TANC2: variants seen among roughly 807,000 people sequenced by gnomAD.
The protein encoded by TANC2 is tetratricopeptide repeat, ankyrin repeat and coiled-coil containing 2, also known as protein TANC2.
In TANC2, 26 loss-of-function variants were observed where a neutral mutation model predicts 210.5. That is an observed-to-expected ratio of 0.12 (90% CI 0.09 to 0.17). TANC2 has a LOEUF of 0.17. Among genes scored for constraint, TANC2 ranks in the 10% least tolerant of loss-of-function variants. TANC2 has a pLI of 1.00. For missense variants in TANC2, 2,129 were observed against 2,608.9 expected (o/e 0.82, Z 4.01); for synonymous variants, 931 against 967.1 (o/e 0.96, Z 0.69).
At chr17:62,988,372 A>G (rs965298620) in intron 1 of TANC2, among the ~76,000 whole-genome samples, 1 of 146,638 alleles carries the variant, frequency 6.8e-6, no homozygotes, top group Non-Finnish European at 1.5e-5. Context: ...GCCTCACCTT[A>G]AGTGATTTGC....
intron 5 of TANC2, among the ~76,000 whole-genome samples, chr17:63,171,758 A>T (rs941904315): frequency 1.3e-5 from 2 of 152,248 alleles, no homozygotes; most frequent in Non-Finnish European, 2.9e-5. Context: ...ATAACACAAG[A>T]TGCCTACTAT....
intron 3 of TANC2, among the ~76,000 whole-genome samples, chr17:63,091,738 A>G (rs1298213846): frequency 1.3e-5 from 2 of 152,158 alleles, no homozygotes; most frequent in African/African-American, 4.8e-5. Context: ...GTTTTTTCCA[A>G]TTCTGTGAAG....
chr17:63,324,156 A>C (rs1598854258), intron 11 of TANC2, among the ~76,000 whole-genome samples: 1 of 152,250 alleles, frequency 6.6e-6, no homozygotes. Flanking sequence ...CCAACACATT[A>C]AGCAAGTTGT....
intron 1 of TANC2, among the ~76,000 whole-genome samples, chr17:62,996,456 C>T (rs566660524): frequency 9.2e-5 from 14 of 152,232 alleles, no homozygotes; most frequent in African/African-American, 3.4e-4. Flanking sequence ...GTTTCTGTAC[C>T]TCACAGTCGA....
At chr17:63,005,052 T>C (rs980291130) in intron 1 of TANC2, 2 of 152,808 alleles carry the variant, frequency 1.3e-5, no homozygotes, top group African/African-American at 2.4e-5. Flanking sequence ...GTTGCCTTCT[T>C]CTTCACACTG....
At chr17:63,254,633 T>G (rs2043138943) in intron 8 of TANC2, among the ~76,000 whole-genome samples, 1 of 152,236 alleles carries the variant, frequency 6.6e-6, no homozygotes, top group South Asian at 2.1e-4. Flanking sequence ...TCTTTTATTG[T>G]GTTTAGGTAT....
At position 63,421,658 on chromosome 17, in the gene TANC2, T is replaced by C. The variant is rs2147432202; in HGVS notation, c.5928T>C (p.Ser1976=). ...ACCTGCCTCAGCCTGAGTCCTTCAG[T>C]CCACCATCATCCATCAGCAACATTG... The change falls in exon 28 of 28, where the codon AGT becomes AGC. Residue 1976 remains serine (S), a synonymous_variant. Transcript: ENST00000689528. This position sits in a 1 kb window ranked among gnomAD's most constrained non-coding sequence, Gnocchi z 6.9. 6.2e-7 allele frequency: 1 copy of C among 1,614,012 alleles called. No individual in the cohort carries two copies. Among genetic ancestry groups the C allele is most frequent in the Non-Finnish European group, 8.5e-7 (1 of 1,179,894 alleles).
At chr17:63,292,870 A>G (rs1204736224) in intron 9 of TANC2, among the ~76,000 whole-genome samples, 3 of 152,210 alleles carry the variant, frequency 2.0e-5, no homozygotes, top group African/African-American at 7.2e-5. Flanking sequence ...TGAAATATCA[A>G]TAACATAAGC....
chr17:63,106,009 A>G (rs1484463834), intron 4 of TANC2, among the ~76,000 whole-genome samples: 4 of 151,658 alleles, frequency 2.6e-5, no homozygotes, highest in Admixed American at 2.0e-4. Flanking sequence ...TTTTGGAATA[A>G]TAGACTAATT....
chr17:63,381,897 G>A (rs1423254716), intron 15 of TANC2, among the ~76,000 whole-genome samples: 1 of 152,198 alleles, frequency 6.6e-6, no homozygotes, highest in African/African-American at 2.4e-5. Context: ...CCTTACCTGA[G>A]CAATAGTTAC....
chr17:63,024,436 C>A (rs376568297), intron 2 of TANC2, among the ~76,000 whole-genome samples: 2 of 152,176 alleles, frequency 1.3e-5, no homozygotes, highest in Non-Finnish European at 2.9e-5. Flanking sequence ...TGAGGATGCC[C>A]AGAGGTCACT....
At chr17:63,131,344 G>A (rs1399569219) in intron 4 of TANC2, among the ~76,000 whole-genome samples, 1 of 152,114 alleles carries the variant, frequency 6.6e-6, no homozygotes, top group Non-Finnish European at 1.5e-5. Flanking sequence ...AAATTCTGAG[G>A]CTCTGCTGCT....
chr17:63,009,907 C>T (rs1200517928), intron 2 of TANC2, among the ~76,000 whole-genome samples: 1 of 152,054 alleles, frequency 6.6e-6, no homozygotes, highest in Admixed American at 6.6e-5. Flanking sequence ...ACCTTCTAGA[C>T]CTAAGTTTAT....
At chr17:63,399,489 C>A (rs181685617) in intron 19 of TANC2, among the ~76,000 whole-genome samples, 2 of 152,176 alleles carry the variant, frequency 1.3e-5, no homozygotes, top group African/African-American at 4.8e-5. Context: ...CTGTATCGTT[C>A]GGTACAATGC....
At chr17:63,255,169 A>G (rs2043158034) in intron 8 of TANC2, among the ~76,000 whole-genome samples, 1 of 151,814 alleles carries the variant, frequency 6.6e-6, no homozygotes, top group African/African-American at 2.4e-5. Flanking sequence ...CAGTGGCACT[A>G]TCTCGGCTCA....
At chr17:63,091,471 C>T (rs1296070276) in intron 3 of TANC2, among the ~76,000 whole-genome samples, 1 of 152,160 alleles carries the variant, frequency 6.6e-6, no homozygotes. Context: ...ATAGGGAATC[C>T]TTCCCCCATT....
intron 21 of TANC2, among the ~76,000 whole-genome samples, chr17:63,410,365 T>C (rs1442603461): frequency 7.3e-6 from 1 of 137,736 alleles, no homozygotes; most frequent in Non-Finnish European, 1.6e-5. Flanking sequence ...TAGTTTCTGG[T>C]AACCACCATT....
At chr17:63,094,695 A>T (rs2037323510) in intron 3 of TANC2, among the ~76,000 whole-genome samples, 2 of 152,290 alleles carry the variant, frequency 1.3e-5, no homozygotes, top group South Asian at 2.1e-4. Context: ...ATACCTCGTG[A>T]TAACTGAAAT....
chr17:63,421,841 A>G lies in TANC2; in HGVS notation c.6111A>G (p.Leu2037=), dbSNP rs745349181. ...CCGACGTGAAGGTAGCTCGGACTCT[A>G]CCTGTGGCTCAGGCATACCAGGACA... The change falls in exon 28 of 28, where the codon CTA becomes CTG. Residue 2037 remains leucine (L), a synonymous_variant. Coordinates refer to ENST00000689528, the Ensembl canonical transcript of TANC2. This position sits in a 1 kb window ranked among gnomAD's most constrained non-coding sequence, Gnocchi z 6.9. 3 of 1,613,930 alleles carry G rather than the reference A, an allele frequency of 1.9e-6. No homozygotes were observed. The Admixed American group carries it at 5.0e-5, about 27-fold the overall frequency.
Sources: gnomAD v4.1 joint callset for allele counts (sites outside exome capture counted in the v4.1 genomes callset) on GRCh38, gnomAD v4.1.1 for gene constraint, Gnocchi (gnomAD v3.1) non-coding constraint, MANE v1.5 for transcripts, NCBI Gene and HGNC (gene_info 2026-07-23, HGNC 2026-07-21) for gene names.